The following CUBN variants were observed in gnomAD, a reference collection of about 807,000 sequenced individuals.
CUBN encodes the protein cubilin.
In CUBN, 282 loss-of-function variants were observed where a neutral mutation model predicts 405.3. That is an observed-to-expected ratio of 0.70 (90% CI 0.63 to 0.77). CUBN has a LOEUF of 0.77. CUBN is among the 30% of genes least tolerant of loss of function. CUBN has a pLI of 0.00. For missense variants in CUBN, 4,514 were observed against 4,475.2 expected (o/e 1.01, Z -0.25); for synonymous variants, 1,684 against 1,617.0 (o/e 1.04, Z -0.99).
At chr10:16,968,374 T>C (rs897291779) in intron 31 of CUBN, among the ~76,000 whole-genome samples, 1 of 152,160 alleles carries the variant, frequency 6.6e-6, no homozygotes, top group Non-Finnish European at 1.5e-5. Context: ...TTCTCCTAGA[T>C]AGCCACAAAA....
chr10:16,837,828 A>T (rs1174291867), intron 62 of CUBN, among the ~76,000 whole-genome samples: 1 of 152,170 alleles, frequency 6.6e-6, no homozygotes, highest in Non-Finnish European at 1.5e-5. Flanking sequence ...CATTCAGTGG[A>T]AAACATTATT....
intron 22 of CUBN, among the ~76,000 whole-genome samples, chr10:17,054,285 C>T (rs1419017866): frequency 1.4e-5 from 2 of 147,926 alleles, no homozygotes; most frequent in African/African-American, 2.5e-5. Flanking sequence ...GAGCTGAGAT[C>T]GCACCACTGC....
At chr10:17,034,462 C>G (rs1205012991) in intron 27 of CUBN, among the ~76,000 whole-genome samples, 4 of 152,086 alleles carry the variant, frequency 2.6e-5, no homozygotes, top group Non-Finnish European at 5.9e-5. Flanking sequence ...ATACTTTTCC[C>G]TCCCCAGGAG....
Position 17,095,618 on chromosome 10 carries a change from G to C in CUBN, c.1765+4387C>G, listed in dbSNP as rs573545973. Among the ~76,000 whole-genome samples, 12 of 152,162 alleles carry C rather than the reference G, an allele frequency of 7.9e-5. No homozygotes were observed. The Middle Eastern group carries it at 0.014, about 173-fold the overall frequency. ...GATAAAAGACAACAAGTATTGATGA[G>C]ATGTGGAGAAAAGGGAACCCTTGTT... On this transcript the variant is annotated intron_variant, in intron 14 of 66. Coordinates refer to ENST00000377833, the MANE Select transcript of CUBN (RefSeq NM_001081.4).
intron 51 of CUBN, among the ~76,000 whole-genome samples, chr10:16,903,299 A>T (rs1364988502): frequency 6.6e-6 from 1 of 152,224 alleles, no homozygotes. Context: ...CTTTAACAAA[A>T]GATATTTATT....
At chr10:17,005,973 AAC>A (rs1439313353) in intron 28 of CUBN, among the ~76,000 whole-genome samples, 1 of 152,202 alleles carries the variant, frequency 6.6e-6, no homozygotes, top group East Asian at 1.9e-4. Flanking sequence ...TATCAGGATG[AAC>A]ACACACAGAG....
At position 17,068,068 on chromosome 10, in the gene CUBN, C is replaced by T; in HGVS notation, c.3004G>A (p.Gly1002Arg). Residue 1002 changes from glycine to arginine, a missense_variant, in exon 21 of 67, where the codon GGA becomes AGA. By Grantham distance (125) the Gly-to-Arg change is moderately radical. This residue lies in a region of CUBN where 1,448 missense variants were observed against 1,388.0 expected (regional missense o/e 1.04). Transcript: ENST00000377833. The part of the protein sequence containing the change: ...VYDTDSETSL[G>R]RYCGKSIPPS... ...AACAAACAAACATAACCTTACCTTC[C>T]AAGGGATGTCTCAGAGTCGGTGTCA... 6.2e-7 allele frequency: 1 copy of T among 1,608,826 alleles called. No individual in the cohort carries two copies.
intron 17 of CUBN, among the ~76,000 whole-genome samples, chr10:17,072,914 T>A (rs1317549665): frequency 6.6e-6 from 1 of 152,046 alleles, no homozygotes; most frequent in Admixed American, 6.5e-5. Flanking sequence ...TGAACAGACA[T>A]AAGTCATAAA....
intron 14 of CUBN, among the ~76,000 whole-genome samples, chr10:17,099,023 T>A (rs1475773621): frequency 6.6e-6 from 1 of 152,208 alleles, no homozygotes; most frequent in East Asian, 1.9e-4. Flanking sequence ...TAAAATTCTT[T>A]GGGAAAACTG....
At chr10:16,858,739 T>C (rs546322575) in intron 59 of CUBN, among the ~76,000 whole-genome samples, 87 of 152,264 alleles carry the variant, frequency 5.7e-4, no homozygotes, top group Non-Finnish European at 1.1e-3. Flanking sequence ...CATGTAGCTA[T>C]AGTAATCAAG....
Position 16,937,720 on chromosome 10 carries a change from G to A in CUBN, c.5798C>T (p.Ser1933Phe). The A allele has an allele frequency of 6.2e-6, 10 of 1,614,126 alleles. No homozygotes were observed. The highest frequency in any genetic ancestry group is 8.5e-6 in the Non-Finnish European group (10 of 1,179,994). Residue 1933 changes from serine (S) to phenylalanine (F), a missense_variant, in exon 39 of 67, where the codon TCT becomes TTT. Physicochemically the swap from Ser to Phe is radical, Grantham distance 155. Coordinates refer to ENST00000377833, the MANE Select transcript of CUBN (RefSeq NM_001081.4). ...CAAAGAATTTCCAGTGGAGCTGAAA[G>A]ATTCAGTCTGGGTACCACAGTAAGC... is the stretch of plus-strand genomic sequence containing the variant. ...IGAYCGTQTE[S>F]FSSTGNSLTF...
chr10:16,888,537 C>T lies in CUBN; in HGVS notation c.8785G>A (p.Gly2929Ser). The T allele has an allele frequency of 1.2e-6, 2 of 1,613,666 alleles. No homozygotes were observed. The highest frequency in any genetic ancestry group is 2.2e-5 in the South Asian group (2 of 91,066). Reference protein sequence around the residue: ...RCGSNFTGPSGYIISPNYPKQ... With the variant: ...RCGSNFTGPSSYIISPNYPKQ... ...GGGTAATTTGGAGAAATGATGTAACCTGAAGGGCCAGTGAAATTACTTCCA... is the reference window on the plus strand; with the variant it reads ...GGGTAATTTGGAGAAATGATGTAACTTGAAGGGCCAGTGAAATTACTTCCA... Residue 2929 changes from glycine to serine, a missense_variant, in exon 56 of 67, where the codon GGT becomes AGT. Transcript: ENST00000377833.
In CUBN at chr10:17,052,522, C is replaced by T. The variant is rs12571871; in HGVS notation, c.3140-4919G>A. ...CTGCAATCCCAGCACTTTGGGAGGC[C>T]GAGGTGGGCAGATCACCTGAGGTCA... On this transcript the variant is annotated intron_variant, in intron 22 of 66. Transcript: ENST00000377833. 4.5e-3 allele frequency among the ~76,000 whole-genome samples: 679 copies of T among 151,422 alleles called. 30 individuals are homozygous for T. In the East Asian group the frequency reaches 0.096, roughly 21 times the overall value.
chr10:16,825,272 T>C, intron 66 of CUBN, among the ~76,000 whole-genome samples, 190 bp from the exon 67 acceptor site: 1 of 151,892 alleles, frequency 6.6e-6, no homozygotes. Context: ...TTTCTGGGCG[T>C]GGGGAGTTGA....
At chr10:16,982,342 T>C (rs746567741) in intron 31 of CUBN, 142 bp downstream of exon 31, 74 of 730,482 alleles carry the variant, frequency 1.0e-4, no homozygotes, top group Non-Finnish European at 1.7e-4. Flanking sequence ...AATGTCCTTA[T>C]ATTTTAAGTT....
intron 27 of CUBN, among the ~76,000 whole-genome samples, chr10:17,031,729 A>AG (rs1484465407): frequency 6.6e-6 from 1 of 152,246 alleles, no homozygotes; most frequent in Admixed American, 6.5e-5. Flanking sequence ...AATAGAAAGC[A>AG]CAGTGCCTGG....
At chr10:16,831,592 GA>G (rs1258721289) in intron 64 of CUBN, among the ~76,000 whole-genome samples, 175 bp from the exon 65 acceptor site, 1 of 152,204 alleles carries the variant, frequency 6.6e-6, no homozygotes, top group Non-Finnish European at 1.5e-5. Flanking sequence ...TTGCAAAGGG[GA>G]AAAATGTTCC....
Position 17,100,037 on chromosome 10 carries a change from C to A in CUBN, c.1733G>T (p.Gly578Val), listed in dbSNP as rs753930712. 2 of 1,613,736 alleles carry A rather than the reference C, an allele frequency of 1.2e-6. No individual in the cohort carries two copies. Among genetic ancestry groups the A allele is most frequent in the African/African-American group, 1.3e-5 (1 of 75,004 alleles). ...CTGTGTTTCCCATCTTACTGTAAAGCCTCTCCCATTTCTTAAATGTTCAGA... is the reference window on the plus strand; with the variant it reads ...CTGTGTTTCCCATCTTACTGTAAAGACTCTCCCATTTCTTAAATGTTCAGA... ...LYSEHLRNGRGFTVRWETQQP... is the reference protein window; with the variant it reads ...LYSEHLRNGRVFTVRWETQQP... Residue 578 changes from glycine (G) to valine (V), a missense_variant, in exon 14 of 67, where the codon GGC becomes GTC. By Grantham distance (109) the Gly-to-Val change is moderately radical. Transcript: ENST00000377833.
Position 16,947,380 on chromosome 10 carries a change from A to G in CUBN, c.5210-13T>C. 2 of 1,614,008 alleles carry G rather than the reference A, an allele frequency of 1.2e-6. No individual in the cohort carries two copies. The highest frequency in any genetic ancestry group is 1.7e-6 in the Non-Finnish European group (2 of 1,179,940). On this transcript the variant is annotated splice_polypyrimidine_tract_variant and intron_variant, in intron 35 of 66. Transcript: ENST00000377833. ...GTTCCACCACAAGCTGGAAGAAAAT[A>G]GAAATAAAGTGAGTATCAGAGCAAA...
Sources: gnomAD v4.1 joint callset for allele counts (sites outside exome capture counted in the v4.1 genomes callset) on GRCh38, gnomAD v4.1.1 for gene constraint, gnomAD v4.1.1 regional missense constraint, MANE v1.5 for transcripts, NCBI Gene and HGNC (gene_info 2026-07-23, HGNC 2026-07-21) for gene names.